Variants in NME6 observed in about 807,000 individuals in gnomAD.
The protein encoded by NME6 is NME/NM23 nucleoside diphosphate kinase 6.
NME6 carries 16 observed loss-of-function variants against 22.2 expected under a neutral mutation model. That is an observed-to-expected ratio of 0.72 (90% CI 0.49 to 1.09). NME6 has a LOEUF of 1.09. NME6 is among the 50% of genes least tolerant of loss of function. The pLI is 0.00. For synonymous variants in NME6, 58 were observed against 85.2 expected, an observed-to-expected ratio of 0.68 and a Z score of 1.76; for missense variants, 229 against 239.0, an observed-to-expected ratio of 0.96 and a Z score of 0.28.
rs1171879403 is a variant in NME6 at position 48,292,987 on chromosome 3, G to A, written c.*1650C>T. On this transcript the variant is annotated 3_prime_UTR_variant, in exon 6 of 6. Coordinates refer to ENST00000442597, the MANE Select transcript of NME6 (RefSeq NM_001308426.2). ...TGCCAGTATTGCCCTGTGGGACTTG[G>A]AGGGCAAGGGAGACCAAGGCTAACA... 1 of 152,250 alleles carries A rather than the reference G, an allele frequency of 6.6e-6. No homozygotes were observed. The allele number at this position is 152,250 out of a possible 1,614,324, so 9.4% of individuals were successfully genotyped here.
intron 1 of NME6, chr3:48,300,674 T>C (rs2035598421): frequency 4.3e-6 from 1 of 232,008 alleles, no homozygotes; most frequent in Non-Finnish European, 8.7e-6. Context: ...CGCAGCTAAG[T>C]TGTGGCTGTC....
At chr3:48,290,252 TAA>T (rs537375330), downstream of NME6, among the ~76,000 whole-genome samples, 1 of 151,118 alleles carries the variant, frequency 6.6e-6, no homozygotes, top group Admixed American at 6.6e-5. Context: ...TTATTAAAAT[TAA>T]AAAAAAATTT....
At position 48,296,758 on chromosome 3, in the gene NME6, T is replaced by C. The variant is rs778727364; in HGVS notation, c.162A>G (p.Glu54=). ...VRMRELLWRK[E]DCQRFYREHE... is the part of the protein sequence containing the mutation. ...GCTCTCGGTAAAACCTCTGGCAATC[T>C]TCCTTTCTCCACAGTAGTTCTCTCA... Residue 54 remains glutamate, a synonymous_variant, in exon 3 of 6, where the codon GAA becomes GAG. Coordinates refer to ENST00000442597, the MANE Select transcript of NME6 (RefSeq NM_001308426.2). 2 of 1,613,592 alleles carry C rather than the reference T, an allele frequency of 1.2e-6. No individual in the cohort carries two copies. Among genetic ancestry groups the C allele is most frequent in the Non-Finnish European group, 1.7e-6 (2 of 1,179,896 alleles).
intron 1 of NME6, 102 bp from the exon 2 acceptor site, chr3:48,298,625 C>T (rs1303355709): frequency 1.4e-6 from 1 of 729,122 alleles, no homozygotes; most frequent in African/African-American, 1.8e-5. Flanking sequence ...GCTCTCACTC[C>T]TGACACTCAT....
chr3:48,294,847 A>G, intron 5 of NME6, 44 bp from the exon 6 acceptor site: 1 of 1,593,832 alleles, frequency 6.3e-7, no homozygotes, highest in South Asian at 1.1e-5. Flanking sequence ...CACATGGTAG[A>G]AGCAAGAGGC....
At chr3:48,295,941 T>G in intron 4 of NME6, 178 bp downstream of exon 4, 1 of 624,596 alleles carries the variant, frequency 1.6e-6, no homozygotes, top group Admixed American at 2.7e-5. Context: ...GGTCTCAAAC[T>G]CCTGACCTCA....
At position 48,295,086 on chromosome 3, in the gene NME6, G is replaced by T. The variant is rs751162004; in HGVS notation, c.383C>A (p.Thr128Asn). ...GACAGGGGACTCACCCGAACCATGG[G>T]TGGTGTTGCGGGTGTCAGTGAGGCC... Reference protein sequence around the residue: ...SFGLTDTRNTTHGSDSVVSAS... With the variant: ...SFGLTDTRNTNHGSDSVVSAS... Residue 128 changes from threonine to asparagine, a missense_variant, in exon 5 of 6, where the codon ACC becomes AAC. Transcript: ENST00000442597. 2 of 1,614,040 alleles carry T rather than the reference G, an allele frequency of 1.2e-6. No homozygotes were observed. The highest frequency in any genetic ancestry group is 4.5e-5 in the East Asian group (2 of 44,882).
At position 48,294,352 on chromosome 3, in the gene NME6, G is replaced by A. The variant is rs777845191; in HGVS notation, c.*285C>T. 34 of 289,090 alleles carry A rather than the reference G, an allele frequency of 1.2e-4. No individual in the cohort carries two copies. The highest frequency in any genetic ancestry group is 9.0e-4 in the Admixed American group (22 of 24,344). 17.9% of individuals were successfully genotyped at this position (289,090 alleles called of 1,614,324 possible). ...CTCCCAAAGTGCTGGGATTATAGGC[G>A]TGAGCCACCGTGCCCGGCCTGGCAA... is the stretch of plus-strand genomic sequence containing the variant. On this transcript the variant is annotated 3_prime_UTR_variant, in exon 6 of 6. Coordinates refer to ENST00000442597, the MANE Select transcript of NME6 (RefSeq NM_001308426.2).
chr3:48,296,417 T>C (rs1384268766), intron 3 of NME6, among the ~76,000 whole-genome samples: 1 of 152,128 alleles, frequency 6.6e-6, no homozygotes, highest in Non-Finnish European at 1.5e-5. Context: ...TTTAGGGTTG[T>C]TGGGAAAATT....
Position 48,294,114 on chromosome 3 carries a change from GC to G in NME6, c.*522del, listed in dbSNP as rs1168981113. 1.3e-5 allele frequency: 2 copies of G among 148,452 alleles called. No homozygotes were observed. The highest frequency in any genetic ancestry group is 5.0e-5 in the African/African-American group (2 of 40,224). The allele number at this position is 148,452 out of a possible 1,614,324, so 9.2% of individuals were successfully genotyped here. The stretch of plus-strand genomic sequence containing the variant: ...TTTTTTTTTTTTGAGACAGAATGTC[GC>G]CCAGGCTGGAGTGCAATGGCACGAT... On this transcript the variant is annotated 3_prime_UTR_variant, in exon 6 of 6. Transcript: ENST00000442597.
rs907641509 is a variant in NME6, at chr3:48,292,944, G to C, written c.*1693C>G. 6.6e-6 allele frequency: 1 copy of C among 152,274 alleles called. No individual in the cohort carries two copies. The highest frequency in any genetic ancestry group is 2.4e-5 in the African/African-American group (1 of 41,474). 9.4% of individuals were successfully genotyped at this position (152,274 alleles called of 1,614,324 possible). On this transcript the variant is annotated 3_prime_UTR_variant, in exon 6 of 6. Coordinates refer to ENST00000442597, the MANE Select transcript of NME6 (RefSeq NM_001308426.2). ...TAGCCGTCATGCAAACCTGCAGTGT[G>C]TAACACTTTCCTGGGCCTGCCAGTA...
rs562106074 is a variant in NME6, at chr3:48,301,180, G to A, written c.-8+173C>T. 1.1e-5 allele frequency: 14 copies of A among 1,322,998 alleles called. No homozygotes were observed. The Admixed American group carries it at 1.7e-4, about 16-fold the overall frequency. The allele number at this position is 1,322,998 out of a possible 1,614,324, so 82.0% of individuals were successfully genotyped here. On this transcript the variant is annotated intron_variant, in intron 1 of 5. Coordinates refer to ENST00000442597, the MANE Select transcript of NME6 (RefSeq NM_001308426.2). ...GGCCGGGACCTGCGCCCCTACCCCC[G>A]TGGCCACGCCCTCCAGCCCCCCGGG...
intron 1 of NME6, among the ~76,000 whole-genome samples, chr3:48,301,026 G>A (rs1373148156): frequency 6.6e-6 from 1 of 151,974 alleles, no homozygotes; most frequent in Non-Finnish European, 1.5e-5. Flanking sequence ...CCAGCCTGGC[G>A]ACAGAACCAG....
Position 48,296,141 on chromosome 3 carries a change from T to G in NME6, c.211A>C (p.Arg71=). Residue 71 remains arginine, a synonymous_variant, in exon 4 of 6, where the codon AGG becomes CGG. Coordinates refer to ENST00000442597, the MANE Select transcript of NME6 (RefSeq NM_001308426.2). ...TACCTGGCCATGAACTCCACCAGCC[T>G]CTGATAGAAAAAACGCCCTGCAAAG... ...REHEGRFFYQ[R]LVEFMASGPI... is the part of the protein sequence containing the mutation. 6.2e-7 allele frequency: 1 copy of G among 1,613,868 alleles called. No individual in the cohort carries two copies. The highest frequency in any genetic ancestry group is 8.5e-7 in the Non-Finnish European group (1 of 1,179,754).
downstream of NME6, chr3:48,288,749 G>GAGC (rs921160791): frequency 6.6e-6 from 1 of 152,072 alleles, no homozygotes; most frequent in Non-Finnish European, 1.5e-5. Flanking sequence ...ATGTTATGAA[G>GAGC]AGCATGATAC....
intron 2 of NME6, chr3:48,297,789 TGAA>T (rs2035270314): frequency 6.5e-6 from 1 of 153,124 alleles, no homozygotes; most frequent in African/African-American, 2.4e-5. Context: ...GGCTAGAGGC[TGAA>T]GAAGTCAGAG....
intron 1 of NME6, chr3:48,300,510 G>A (rs1013780301): frequency 5.3e-6 from 2 of 375,008 alleles, no homozygotes; most frequent in Admixed American, 3.5e-5. Flanking sequence ...TTCACCACCA[G>A]AAGGTGTAAG....
downstream of NME6, among the ~76,000 whole-genome samples, chr3:48,290,252 TA>T (rs537375330): frequency 4.1e-3 from 623 of 151,224 alleles, 2 homozygotes; most frequent in Middle Eastern, 0.02. Context: ...TTATTAAAAT[TA>T]AAAAAAAATT....
intron 1 of NME6, chr3:48,299,102 A>C: frequency 1.6e-6 from 1 of 637,972 alleles, no homozygotes; most frequent in South Asian, 1.8e-5. Context: ...AAACCTGTTA[A>C]TACACTCAGC....
Sources: gnomAD v4.1 joint callset for allele counts (sites outside exome capture counted in the v4.1 genomes callset) on GRCh38, gnomAD v4.1.1 for gene constraint, MANE v1.5 for transcripts, NCBI Gene and HGNC (gene_info 2026-07-23, HGNC 2026-07-21) for gene names.